The following PARVB variants were observed in gnomAD, a reference collection of about 807,000 sequenced individuals.
PARVB encodes parvin beta, also known as beta-parvin.
A neutral mutation model predicts 47.0 loss-of-function variants in PARVB; 46 were observed. The ratio of observed to expected loss-of-function variants is 0.98; its 90% CI spans 0.77 to 1.25. PARVB has a LOEUF of 1.25. PARVB is among the 50% of genes most tolerant of loss of function. The pLI is 0.00. For missense variants in PARVB, 473 were observed against 471.6 expected (o/e 1.00, Z -0.03); for synonymous variants, 196 against 196.3 (o/e 1.00, Z 0.01).
intron 1 of PARVB, among the ~76,000 whole-genome samples, chr22:44,037,957 C>T (rs941340477): frequency 2.0e-5 from 3 of 152,160 alleles, no homozygotes; most frequent in African/African-American, 7.2e-5. Flanking sequence ...CCCAGCCCAG[C>T]TCCAGCTCCA....
chr22:44,157,850 A>C (rs926234965), intron 10 of PARVB, 132 bp from the exon 11 acceptor site: 23 of 631,444 alleles, frequency 3.6e-5, no homozygotes, highest in Middle Eastern at 4.2e-4. Context: ...CCTTGATTGC[A>C]TCAGTGCACT....
At chr22:44,056,164 C>T (rs565420853) in intron 1 of PARVB, among the ~76,000 whole-genome samples, 6 of 152,356 alleles carry the variant, frequency 3.9e-5, no homozygotes, top group Admixed American at 3.3e-4. Context: ...TCCTATGACT[C>T]GAGTTTACGC....
Position 44,171,731 on chromosome 22 carries a change from T to G in PARVB, c.*3053T>G, listed in dbSNP as rs1294810617. On this transcript the variant is annotated 3_prime_UTR_variant, in exon 13 of 13. Coordinates refer to ENST00000338758, the MANE Select transcript of PARVB (RefSeq NM_013327.5). ...GTTTCAAGTCGAACAGTAAAAGGAA[T>G]CATAAGATCTGTGGGGAAGCTACAT... is the stretch of plus-strand genomic sequence containing the variant. The G allele has an allele frequency of 6.6e-6, 1 of 151,356 alleles. No homozygotes were observed. The highest frequency in any genetic ancestry group is 1.5e-5 in the Non-Finnish European group (1 of 67,924). The allele number at this position is 151,356 out of a possible 1,614,324, so 9.4% of individuals were successfully genotyped here.
At position 44,163,840 on chromosome 22, in the gene PARVB, AC is replaced by A. The variant is rs911721835; in HGVS notation, c.946-12del. On this transcript the variant is annotated splice_polypyrimidine_tract_variant and intron_variant, in intron 11 of 12. Transcript: ENST00000338758. Reference sequence around the variant, plus strand: ...GACTGTTGGACCCTAACGCTGACCCACCCCCCTTCCTTGGCAGGTCCACAAT... The same window carrying A: ...GACTGTTGGACCCTAACGCTGACCCACCCCCTTCCTTGGCAGGTCCACAAT... The A allele has an allele frequency of 1.3e-6, 2 of 1,594,496 alleles. No homozygotes were observed. The highest frequency in any genetic ancestry group is 1.1e-5 in the South Asian group (1 of 87,352).
intron 1 of PARVB, among the ~76,000 whole-genome samples, chr22:44,027,513 A>G (rs2050750468): frequency 6.6e-6 from 1 of 152,236 alleles, no homozygotes; most frequent in Admixed American, 6.5e-5. Context: ...AGCTGAAGGC[A>G]GCGGGGCGAG....
chr22:44,081,701 C>G (rs1045202499), intron 1 of PARVB: 7 of 832,858 alleles, frequency 8.4e-6, no homozygotes, highest in Admixed American at 1.2e-4. Context: ...CATTGCCCCC[C>G]GCCTCGGTGG....
At chr22:44,140,267 G>A in intron 8 of PARVB, 124 bp downstream of exon 8, 1 of 964,396 alleles carries the variant, frequency 1.0e-6, no homozygotes, top group East Asian at 2.4e-5. Flanking sequence ...TGCCCCCATA[G>A]TTCTGGAATC....
Position 44,122,073 on chromosome 22 carries a change from T to C in PARVB, c.376+2933T>C, listed in dbSNP as rs367547888. On this transcript the variant is annotated intron_variant, in intron 4 of 12. Transcript: ENST00000338758. ...GTCATCCATTTAATGTATAAATAAA[T>C]TAATTTGTTTCTCTCTGTATTTAGT... 7.0e-4 allele frequency among the ~76,000 whole-genome samples: 106 copies of C among 152,358 alleles called. No homozygotes were observed. The East Asian group carries it at 0.014, about 21-fold the overall frequency.
chr22:44,025,368 A>G (rs1304287495), intron 1 of PARVB, among the ~76,000 whole-genome samples: 1 of 151,754 alleles, frequency 6.6e-6, no homozygotes, highest in Non-Finnish European at 1.5e-5. Flanking sequence ...TCCCCCATTC[A>G]TTTCTTCCCT....
At chr22:44,102,206 T>C (rs1222022152) in intron 3 of PARVB, among the ~76,000 whole-genome samples, 1 of 152,058 alleles carries the variant, frequency 6.6e-6, no homozygotes, top group African/African-American at 2.4e-5. Context: ...GAGAGGTGAA[T>C]CCCAACTTCC....
At chr22:44,126,697 C>T (rs2053192895) in intron 4 of PARVB, among the ~76,000 whole-genome samples, 1 of 152,154 alleles carries the variant, frequency 6.6e-6, no homozygotes, top group African/African-American at 2.4e-5. Flanking sequence ...TACTTTGCTC[C>T]CTACCTGAAG....
upstream of PARVB, among the ~76,000 whole-genome samples, chr22:44,021,185 C>T (rs1488873128): frequency 6.6e-6 from 1 of 152,202 alleles, no homozygotes. Flanking sequence ...TCAACACCAT[C>T]AGTCAGAGTG....
intron 1 of PARVB, among the ~76,000 whole-genome samples, chr22:44,028,550 T>C (rs950796836): frequency 2.0e-5 from 3 of 152,248 alleles, no homozygotes; most frequent in Non-Finnish European, 2.9e-5. Context: ...TCCATTCACC[T>C]GCTGAAGGAC....
At chr22:44,118,449 C>T (rs1278723619) in intron 3 of PARVB, among the ~76,000 whole-genome samples, 1 of 152,154 alleles carries the variant, frequency 6.6e-6, no homozygotes, top group Non-Finnish European at 1.5e-5. Flanking sequence ...ATACAAAATG[C>T]AGCTGACGGT....
intron 5 of PARVB, among the ~76,000 whole-genome samples, chr22:44,132,111 A>ACT (rs1601655181): frequency 6.6e-6 from 1 of 151,828 alleles, no homozygotes; most frequent in African/African-American, 2.4e-5. Flanking sequence ...GGTCCTGCCC[A>ACT]CTCCTTCCCC....
Position 44,113,762 on chromosome 22 carries a change from C to A in PARVB, c.274-5276C>A, listed in dbSNP as rs2052776585. 3.0e-5 allele frequency: 2 copies of A among 65,886 alleles called. 1 individual carries two copies. Among genetic ancestry groups the A allele is most frequent in the Non-Finnish European group, 5.4e-5 (2 of 36,730 alleles). The allele number at this position is 65,886 out of a possible 1,614,324, so 4.1% of individuals were successfully genotyped here. ...ACAAATACGTTCTTACTAAGTAAGG[C>A]CCTGCACCAACACAGATACATTGTT... On this transcript the variant is annotated intron_variant, in intron 3 of 12. Coordinates refer to ENST00000338758, the MANE Select transcript of PARVB (RefSeq NM_013327.5).
intron 1 of PARVB, among the ~76,000 whole-genome samples, chr22:44,061,452 A>G (rs2051417832): frequency 6.6e-6 from 1 of 151,802 alleles, no homozygotes; most frequent in African/African-American, 2.4e-5. Context: ...AAAACAAAAC[A>G]AAACAAAACA....
At chr22:44,119,822 G>A (rs527578971) in intron 4 of PARVB, 13 of 532,690 alleles carry the variant, frequency 2.4e-5, no homozygotes, top group Middle Eastern at 3.8e-4. Flanking sequence ...GAGGGCCTTC[G>A]GAGATGCCGC....
intron 3 of PARVB, chr22:44,109,116 T>G (rs2052632407): frequency 1.3e-5 from 2 of 152,384 alleles, no homozygotes; most frequent in Admixed American, 6.5e-5. Context: ...GAAAATCAGC[T>G]GCATGAAAAC....
Sources: gnomAD v4.1 joint callset for allele counts (sites outside exome capture counted in the v4.1 genomes callset) on GRCh38, gnomAD v4.1.1 for gene constraint, MANE v1.5 for transcripts, NCBI Gene and HGNC (gene_info 2026-07-23, HGNC 2026-07-21) for gene names.